PCDHGB2: variants seen among roughly 807,000 people sequenced by gnomAD.
PCDHGB2 encodes protocadherin gamma subfamily B, 2, also known as protocadherin gamma-B2.
PCDHGB2 carries 55 observed loss-of-function variants against 59.3 expected under a neutral mutation model. The observed-to-expected ratio is 0.93, with a 90% confidence interval of 0.75 to 1.16. The LOEUF is 1.16. Ranked by LOEUF, PCDHGB2 falls within the 50% of genes most tolerant of loss-of-function variation. PCDHGB2 has a pLI of 0.00. For missense variants in PCDHGB2, 1,228 were observed against 1,198.5 expected (o/e 1.02, Z -0.36); for synonymous variants, 516 against 512.0 (o/e 1.01, Z -0.11).
intron 1 of PCDHGB2, among the ~76,000 whole-genome samples, chr5:141,492,622 C>A (rs2099742615): frequency 6.6e-6 from 1 of 152,218 alleles, no homozygotes; most frequent in South Asian, 2.1e-4. Flanking sequence ...GCCGGGCGGG[C>A]AGGACTCTAC....
At chr5:141,449,156 G>T (rs4432943) in intron 1 of PCDHGB2, among the ~76,000 whole-genome samples, 84,481 of 151,978 alleles carry the variant, frequency 0.56, 26,202 homozygotes, top group African/African-American at 0.85. Context: ...GGTCAAAGAG[G>T]AAATAGGTGT....
At chr5:141,473,010 AAAAG>A (rs1014377988) in intron 1 of PCDHGB2, among the ~76,000 whole-genome samples, 22 of 151,958 alleles carry the variant, frequency 1.4e-4, no homozygotes, top group Admixed American at 7.9e-4. Context: ...AAGAAAAAGA[AAAAG>A]AAAGAAGGAA....
At chr5:141,383,933 C>T (rs963043498) in intron 1 of PCDHGB2, 3 of 1,613,844 alleles carry the variant, frequency 1.9e-6, no homozygotes, top group East Asian at 2.2e-5. Context: ...GATAATGCTC[C>T]AGAAGTGACT....
At position 141,382,966 on chromosome 5, in the gene PCDHGB2, C is replaced by A. The variant is rs36077896; in HGVS notation, c.2421+20410C>A. ...CCTGCTCTCCATCCTCCTGGGGACC[C>A]CCTGGGAAGCCTGGGCAGGACGTAT... On this transcript the variant is annotated intron_variant, in intron 1 of 3. Coordinates refer to ENST00000522605, the MANE Select transcript of PCDHGB2 (RefSeq NM_018923.3). 1,675 of 1,609,050 alleles carry A rather than the reference C, an allele frequency of 1.0e-3. 6 individuals are homozygous for A. Among genetic ancestry groups the A allele is most frequent in the Middle Eastern group, 5.5e-3 (33 of 6,044 alleles).
intron 1 of PCDHGB2, among the ~76,000 whole-genome samples, chr5:141,460,922 ATATGTGTGTGTG>A: frequency 6.6e-6 from 1 of 151,042 alleles, no homozygotes; most frequent in Non-Finnish European, 1.5e-5. Context: ...GTATATATAT[ATATGTGTGTGTG>A]TATATATATG....
intron 1 of PCDHGB2, chr5:141,418,560 A>G (rs752240769): frequency 1.2e-6 from 2 of 1,614,034 alleles, no homozygotes; most frequent in Non-Finnish European, 1.7e-6. Context: ...CTGGTAATAG[A>G]TGCCAATGAC....
Position 141,485,955 on chromosome 5 carries a change from T to C in PCDHGB2, c.2422-8852T>C. 1 of 1,614,152 alleles carries C rather than the reference T, an allele frequency of 6.2e-7. No homozygotes were observed. Among genetic ancestry groups the C allele is most frequent in the Non-Finnish European group, 8.5e-7 (1 of 1,180,018 alleles). On this transcript the variant is annotated intron_variant, in intron 1 of 3. Transcript: ENST00000522605. This position sits in a 1 kb window ranked among gnomAD's most constrained non-coding sequence, Gnocchi z 5.7. ...GAGAGCGCACCAGCGGGCATGGTGC[T>C]CATCCAGCTCAATGCCTCAGACCCG...
intron 1 of PCDHGB2, chr5:141,383,222 TC>T: frequency 6.2e-7 from 1 of 1,613,962 alleles, no homozygotes. Flanking sequence ...AACTTTAACA[TC>T]CTGATGGAAG....
rs1233148754 is a variant in PCDHGB2, at chr5:141,428,157, T to A, written c.2421+65601T>A. ...CCTGGGGCTGCACACGGGAACCTGC[T>A]GGTTGCTGTGCGTGACGGAGGACAG... On this transcript the variant is annotated intron_variant, in intron 1 of 3. Coordinates refer to ENST00000522605, the MANE Select transcript of PCDHGB2 (RefSeq NM_018923.3). The A allele has an allele frequency of 4.4e-6, 7 of 1,575,024 alleles. No individual in the cohort carries two copies. The East Asian group carries it at 1.6e-4, about 35-fold the overall frequency.
chr5:141,427,425 AC>A (rs1184817093), intron 1 of PCDHGB2: 2 of 469,034 alleles, frequency 4.3e-6, no homozygotes, highest in Non-Finnish European at 8.5e-6. Flanking sequence ...TGGGGAGGTT[AC>A]ATGCCTCATA....
intron 1 of PCDHGB2, chr5:141,441,726 C>A: frequency 2.8e-6 from 1 of 353,524 alleles, no homozygotes; most frequent in Non-Finnish European, 5.6e-6. Flanking sequence ...GGCCCGCGAC[C>A]AGGACTAGCT....
chr5:141,431,066 CAATT>C lies in PCDHGB2; in HGVS notation c.2422-63738_2422-63735del, dbSNP rs762972663. ...GCTCTGTATGGGGGCCATCAAGTGT[CAATT>C]AAATCTAGACATTCTGATGGAGGAT... On this transcript the variant is annotated intron_variant, in intron 1 of 3. Transcript: ENST00000522605. This position sits in a 1 kb window ranked among gnomAD's most constrained non-coding sequence, Gnocchi z 4.8. 9 of 1,614,042 alleles carry C rather than the reference CAATT, an allele frequency of 5.6e-6. No individual in the cohort carries two copies. The East Asian group carries it at 2.0e-4, about 36-fold the overall frequency.
chr5:141,494,935 G>A, intron 2 of PCDHGB2, 70 bp downstream of exon 2: 1 of 1,612,482 alleles, frequency 6.2e-7, no homozygotes, highest in Non-Finnish European at 8.5e-7. Flanking sequence ...GGGAGGAGAT[G>A]GGGGAGGGCC....
intron 1 of PCDHGB2, chr5:141,478,608 G>C (rs751033009): frequency 7.7e-6 from 12 of 1,558,942 alleles, no homozygotes; most frequent in Middle Eastern, 1.7e-4. Context: ...ATCATATTGA[G>C]GAAGGAATGG....
intron 1 of PCDHGB2, chr5:141,423,398 G>C (rs767594062): frequency 6.8e-6 from 11 of 1,614,172 alleles, no homozygotes; most frequent in Non-Finnish European, 9.3e-6. Context: ...CATAAGTCAC[G>C]CCTGCTGCAG....
Position 141,485,627 on chromosome 5 carries a change from T to C in PCDHGB2, c.2422-9180T>C. 3 of 1,612,072 alleles carry C rather than the reference T, an allele frequency of 1.9e-6. No individual in the cohort carries two copies. Among genetic ancestry groups the C allele is most frequent in the Non-Finnish European group, 2.5e-6 (3 of 1,178,530 alleles). On this transcript the variant is annotated intron_variant, in intron 1 of 3. Transcript: ENST00000522605. This position sits in a 1 kb window ranked among gnomAD's most constrained non-coding sequence, Gnocchi z 5.7. ...GGAGGCAGCTCCTCCAGGACAGCGT[T>C]TCCCGTTGGAAAAGGCTCAGGATGC...
chr5:141,423,174 C>T (rs1203454000), intron 1 of PCDHGB2: 1 of 1,613,484 alleles, frequency 6.2e-7, no homozygotes, highest in South Asian at 1.1e-5. Flanking sequence ...CCGTCCAGGA[C>T]CACGGCCAGC....
chr5:141,413,386 G>A (rs757396075), intron 1 of PCDHGB2: 6 of 1,613,884 alleles, frequency 3.7e-6, no homozygotes, highest in African/African-American at 1.3e-5. Context: ...AGTCCGCATA[G>A]TCTCCAGAGG....
intron 2 of PCDHGB2, among the ~76,000 whole-genome samples, chr5:141,503,334 C>T (rs2099819255): frequency 6.6e-6 from 1 of 152,072 alleles, no homozygotes; most frequent in Admixed American, 6.6e-5. Context: ...CGGTGGCTCA[C>T]GCCTGTAATT....
Sources: allele counts gnomAD v4.1 joint callset (sites outside exome capture counted in the v4.1 genomes callset), GRCh38; gene constraint gnomAD v4.1.1; non-coding constraint Gnocchi (gnomAD v3.1); transcripts MANE v1.5; gene names NCBI Gene and HGNC (gene_info 2026-07-23, HGNC 2026-07-21).